Variants in GALNT13 observed in about 807,000 individuals in gnomAD.
GALNT13 encodes UDP-GalNAc:polypeptide N-acetylgalactosaminyltransferase 13.
GALNT13 carries 28 observed loss-of-function variants against 64.2 expected under a neutral mutation model. The ratio of observed to expected loss-of-function variants is 0.44; its 90% confidence interval spans 0.32 to 0.60. The LOEUF (loss-of-function observed/expected upper bound fraction) is 0.60. Ranked by LOEUF, GALNT13 falls within the 20% of genes least tolerant of loss-of-function variation. The probability of loss-of-function intolerance (pLI) is 0.05; values close to 1 mark genes in which losing one functional copy is unlikely to be tolerated. For synonymous variants in GALNT13, 214 were observed against 224.6 expected (o/e 0.95, Z 0.42); for missense variants, 577 against 669.8 (o/e 0.86, Z 1.53).
chr2:154,103,014 C>T (rs1339776122), intron 3 of GALNT13, among the ~76,000 whole-genome samples: 2 of 151,830 alleles, frequency 1.3e-5, no homozygotes, highest in Admixed American at 6.6e-5. Flanking sequence ...ATAGTATTTT[C>T]CAGGTGTTCT....
chr2:153,188,199 G>T, the GALNT13 span, among the ~76,000 whole-genome samples: 1 of 151,814 alleles, frequency 6.6e-6, no homozygotes, highest in Admixed American at 6.6e-5. Context: ...TCCTCAAACT[G>T]AACTGAAGCT....
chr2:154,196,128 C>T (rs1051761211), intron 4 of GALNT13, among the ~76,000 whole-genome samples: 4 of 151,872 alleles, frequency 2.6e-5, no homozygotes, highest in African/African-American at 9.7e-5. Context: ...TACCTCTTTA[C>T]TTCTGGACAT....
chr2:153,655,764 G>T, the GALNT13 span, among the ~76,000 whole-genome samples: 1 of 152,004 alleles, frequency 6.6e-6, no homozygotes, highest in Non-Finnish European at 1.5e-5. Flanking sequence ...TTTCATATAA[G>T]AAAAAATCTC....
chr2:154,034,164 A>C (rs1451886043), intron 3 of GALNT13, among the ~76,000 whole-genome samples: 1 of 152,148 alleles, frequency 6.6e-6, no homozygotes, highest in East Asian at 1.9e-4. Context: ...ACAAAATCTT[A>C]TACGTAAATA....
intron 3 of GALNT13, among the ~76,000 whole-genome samples, chr2:154,120,797 C>T (rs777246200): frequency 2.6e-5 from 4 of 152,102 alleles, no homozygotes; most frequent in Non-Finnish European, 4.4e-5. Flanking sequence ...TTTTTAAGTG[C>T]ACTGAGAAGT....
At chr2:153,563,374 G>A in the GALNT13 span, among the ~76,000 whole-genome samples, 2 of 151,682 alleles carry the variant, frequency 1.3e-5, no homozygotes, top group Non-Finnish European at 2.9e-5. Context: ...ACTATATTAC[G>A]GTTTACTTCT....
chr2:153,682,440 C>T, the GALNT13 span, among the ~76,000 whole-genome samples: 3 of 151,708 alleles, frequency 2.0e-5, no homozygotes, highest in Admixed American at 1.3e-4. Context: ...AACTCCAGCT[C>T]AGGCTTCCAA....
At chr2:153,274,545 G>A in the GALNT13 span, among the ~76,000 whole-genome samples, 1 of 152,186 alleles carries the variant, frequency 6.6e-6, no homozygotes, top group African/African-American at 2.4e-5. Flanking sequence ...TGGGACCTCA[G>A]TACCTGAAGG....
the GALNT13 span, among the ~76,000 whole-genome samples, chr2:153,853,511 T>C: frequency 6.6e-6 from 1 of 152,010 alleles, no homozygotes; most frequent in Non-Finnish European, 1.5e-5. Context: ...ATGGATTAGA[T>C]AGCTAGCTAG....
At chr2:154,352,994 G>A (rs1239004800) in intron 9 of GALNT13, among the ~76,000 whole-genome samples, 2 of 152,078 alleles carry the variant, frequency 1.3e-5, no homozygotes, top group African/African-American at 4.8e-5. Context: ...ATGGAGCATT[G>A]GCCTTTTTTC....
At chr2:153,278,228 T>C in the GALNT13 span, among the ~76,000 whole-genome samples, 1 of 152,088 alleles carries the variant, frequency 6.6e-6, no homozygotes, top group Non-Finnish European at 1.5e-5. Context: ...CCACCGTGTT[T>C]AAGTTTCTTA....
the GALNT13 span, among the ~76,000 whole-genome samples, chr2:153,117,063 T>G: frequency 6.6e-6 from 1 of 151,912 alleles, no homozygotes; most frequent in Admixed American, 6.6e-5. Context: ...CCTCCCAAAG[T>G]GCTGGGATTA....
intron 4 of GALNT13, among the ~76,000 whole-genome samples, chr2:154,229,472 C>T (rs1181961150): frequency 1.3e-5 from 2 of 152,180 alleles, no homozygotes; most frequent in East Asian, 3.9e-4. Flanking sequence ...ACAGTAGTTA[C>T]ACTACCATCA....
the GALNT13 span, among the ~76,000 whole-genome samples, chr2:153,718,593 C>T: frequency 6.6e-6 from 1 of 152,120 alleles, no homozygotes; most frequent in Admixed American, 6.5e-5. Context: ...GCCCACAAGT[C>T]ACGTTTCATA....
chr2:154,043,415 TATATATATATA>T (rs1333554322), intron 3 of GALNT13, among the ~76,000 whole-genome samples: 851 of 83,616 alleles, frequency 0.01, 40 homozygotes, highest in African/African-American at 0.036. Context: ...TAAGGACTTT[TATATATATATA>T]TATATATATA....
intron 3 of GALNT13, among the ~76,000 whole-genome samples, chr2:154,089,249 C>T (rs1417866451): frequency 6.6e-6 from 1 of 151,940 alleles, no homozygotes; most frequent in African/African-American, 2.4e-5. Context: ...GTAGTTGGCT[C>T]CTGGACAGTG....
At chr2:154,304,571 T>G (rs1272131695) in intron 9 of GALNT13, among the ~76,000 whole-genome samples, 2 of 152,194 alleles carry the variant, frequency 1.3e-5, no homozygotes, top group African/African-American at 2.4e-5. Context: ...TGCTAGTCTT[T>G]TGTATAATTT....
the GALNT13 span, among the ~76,000 whole-genome samples, chr2:153,317,960 G>T: frequency 6.6e-6 from 1 of 151,788 alleles, no homozygotes; most frequent in African/African-American, 2.4e-5. Context: ...TGACAAATTT[G>T]TGAGGATCAG....
At chr2:153,345,687 C>CTT in the GALNT13 span, among the ~76,000 whole-genome samples, 5 of 133,624 alleles carry the variant, frequency 3.7e-5, no homozygotes, top group African/African-American at 5.7e-5. Context: ...TTCTTTCTTT[C>CTT]TTTCTTTCTT....
Sources: gnomAD v4.1 joint callset for allele counts (sites outside exome capture counted in the v4.1 genomes callset) on GRCh38, gnomAD v4.1.1 for gene constraint, MANE v1.5 for transcripts, NCBI Gene and HGNC (gene_info 2026-07-23, HGNC 2026-07-21) for gene names.